TET3: variants seen among roughly 807,000 people sequenced by gnomAD.
The protein encoded by TET3 is methylcytosine dioxygenase TET3.
TET3 carries 19 observed loss-of-function variants against 141.4 expected under a neutral mutation model. The observed-to-expected ratio is 0.13, with a 90% CI of 0.09 to 0.20. The LOEUF (loss-of-function observed/expected upper bound fraction) is 0.20. TET3 is among the 10% of genes least tolerant of loss of function. The pLI is 1.00. For synonymous variants in TET3, 1,043 were observed against 980.9 expected (o/e 1.06, Z -1.18); for missense variants, 1,874 against 2,356.9 (o/e 0.80, Z 4.24).
intron 4 of TET3, among the ~76,000 whole-genome samples, chr2:74,063,751 C>T (rs1688726683): frequency 6.6e-6 from 1 of 151,946 alleles, no homozygotes; most frequent in Non-Finnish European, 1.5e-5. Context: ...CCATATTGTG[C>T]AGTTAAAAGT....
Position 74,099,367 on chromosome 2 carries a change from A to G in TET3, c.3359A>G (p.Asn1120Ser), listed in dbSNP as rs769813809. Residue 1120 changes from asparagine (N) to serine (S), a missense_variant, in exon 11 of 12, where the codon AAC becomes AGC. By Grantham distance (46) the Asn-to-Ser change is conservative. This residue lies in a region of TET3 where 53 missense variants were observed against 112.8 expected (regional missense o/e 0.47). Coordinates refer to ENST00000409262, the MANE Select transcript of TET3 (RefSeq NM_001287491.2). ...GTTCTCCCCCTGTACAAGATGGCCA[A>G]CACGGATGAGTTTGGTAGCGAGGAG... ...LHVLPLYKMANTDEFGSEENQ... is the reference protein window; with the variant it reads ...LHVLPLYKMASTDEFGSEENQ... 1 of 1,613,938 alleles carries G rather than the reference A, an allele frequency of 6.2e-7. No homozygotes were observed. Among genetic ancestry groups the G allele is most frequent in the South Asian group, 1.1e-5 (1 of 91,070 alleles).
upstream of TET3, among the ~76,000 whole-genome samples, chr2:73,984,346 C>G (rs1010249680): frequency 6.6e-6 from 1 of 152,248 alleles, no homozygotes; most frequent in African/African-American, 2.4e-5. The surrounding 1 kb of genome is among the most constrained non-coding windows in gnomAD (Gnocchi z 5.6). Context: ...CCCTTAGCCT[C>G]TGCCCCCGAG....
chr2:74,014,357 C>G (rs1273226563), intron 3 of TET3, among the ~76,000 whole-genome samples: 6 of 152,068 alleles, frequency 3.9e-5, no homozygotes, highest in African/African-American at 1.2e-4. Context: ...ATGATATACC[C>G]AGCATGAGAA....
At chr2:74,063,189 CT>C (rs11295242) in intron 4 of TET3, among the ~76,000 whole-genome samples, 58,453 of 146,630 alleles carry the variant, frequency 0.4, 14,175 homozygotes, top group African/African-American at 0.7. Context: ...TGGCCTGAAA[CT>C]TTTTTTTTTT....
chr2:74,042,331 C>T (rs1055189312), intron 3 of TET3, among the ~76,000 whole-genome samples: 1 of 152,146 alleles, frequency 6.6e-6, no homozygotes, highest in Non-Finnish European at 1.5e-5. Flanking sequence ...CTGACCCCAG[C>T]CTTGGTTTCA....
intron 4 of TET3, among the ~76,000 whole-genome samples, chr2:74,063,905 A>AAAT (rs1553428411): frequency 2.0e-5 from 3 of 151,950 alleles, no homozygotes; most frequent in Admixed American, 1.3e-4. Context: ...AAAAAAAAAA[A>AAAT]AAAATAAGTA....
chr2:74,009,855 C>G (rs528873890), intron 3 of TET3, among the ~76,000 whole-genome samples: 1 of 152,356 alleles, frequency 6.6e-6, no homozygotes, highest in East Asian at 1.9e-4. Flanking sequence ...CCATGGGCTC[C>G]TGCTGCACAG....
intron 4 of TET3, among the ~76,000 whole-genome samples, chr2:74,071,285 A>G (rs563369988): frequency 1.3e-5 from 2 of 152,268 alleles, no homozygotes; most frequent in South Asian, 4.2e-4. Flanking sequence ...TTAGGCTTCA[A>G]CATACAAATT....
At chr2:74,048,662 A>T (rs140361386) in intron 4 of TET3, among the ~76,000 whole-genome samples, 1 of 152,228 alleles carries the variant, frequency 6.6e-6, no homozygotes, top group African/African-American at 2.4e-5. Context: ...AGTTGAAGGC[A>T]TAATAGAGGC....
intron 4 of TET3, among the ~76,000 whole-genome samples, chr2:74,058,865 GAAAA>G (rs200470897): frequency 6.6e-6 from 1 of 150,746 alleles, no homozygotes; most frequent in Non-Finnish European, 1.5e-5. Flanking sequence ...TTAAATGGTT[GAAAA>G]AAAAAGTCAG....
At chr2:73,983,957 T>C (rs1683872962), upstream of TET3, among the ~76,000 whole-genome samples, 2 of 152,250 alleles carry the variant, frequency 1.3e-5, no homozygotes, top group African/African-American at 4.8e-5. Context: ...AATTTCAACT[T>C]GGCCTGCACA....
At chr2:74,083,239 G>A (rs1418054170) in intron 6 of TET3, among the ~76,000 whole-genome samples, 2 of 152,230 alleles carry the variant, frequency 1.3e-5, no homozygotes, top group Non-Finnish European at 2.9e-5. Flanking sequence ...TGCCCTGGTT[G>A]CACTCTGAAG....
the TET3 span, among the ~76,000 whole-genome samples, chr2:74,114,085 G>A: frequency 7.9e-5 from 12 of 152,232 alleles, no homozygotes; most frequent in African/African-American, 2.6e-4. Context: ...AAAACAGCAT[G>A]GTACTGGCAT....
At chr2:74,020,758 G>A (rs1685993777) in intron 3 of TET3, among the ~76,000 whole-genome samples, 2 of 152,194 alleles carry the variant, frequency 1.3e-5, no homozygotes, top group African/African-American at 4.8e-5. Flanking sequence ...GTTAAGCAGG[G>A]GTCAGGATTT....
intron 5 of TET3, among the ~76,000 whole-genome samples, chr2:74,078,857 C>T (rs1558774140): frequency 1.3e-5 from 2 of 152,142 alleles, no homozygotes; most frequent in South Asian, 4.1e-4. Context: ...TCATCTGTCT[C>T]CTTATGTGTT....
chr2:74,037,146 G>A (rs1687108713), intron 3 of TET3, among the ~76,000 whole-genome samples: 1 of 152,202 alleles, frequency 6.6e-6, no homozygotes, highest in South Asian at 2.1e-4. Flanking sequence ...TAGCCAGTGT[G>A]CCCATGGGCA....
chr2:73,994,638 C>CTTTTTTTTTTTTT (rs572235939), intron 2 of TET3, among the ~76,000 whole-genome samples: 13 of 96,716 alleles, frequency 1.3e-4, no homozygotes, highest in Non-Finnish European at 2.3e-4. Context: ...TTCTTTCTTT[C>CTTTTTTTTTTTTT]TTTTTTTTTT....
intron 4 of TET3, among the ~76,000 whole-genome samples, chr2:74,068,344 C>T (rs1689021715): frequency 1.3e-5 from 2 of 151,810 alleles, no homozygotes; most frequent in South Asian, 2.1e-4. Flanking sequence ...TGTACACGAA[C>T]TAGCATCTTA....
rs764120083 is a variant in TET3 at position 74,101,579 on chromosome 2, G to A, written c.4791G>A (p.Lys1597=). The A allele has an allele frequency of 4.3e-6, 7 of 1,609,426 alleles. No individual in the cohort carries two copies. In the Admixed American group the frequency reaches 5.1e-5, roughly 12 times the overall value. The change falls in exon 12 of 12, where the codon AAG becomes AAA. Residue 1597 remains lysine (K), a synonymous_variant. Coordinates refer to ENST00000409262, the MANE Select transcript of TET3 (RefSeq NM_001287491.2). This position sits in a 1 kb window ranked among gnomAD's most constrained non-coding sequence, Gnocchi z 8.5. The part of the protein sequence containing the change: ...GSSEKLFGAL[K]SEEKLWDPFS... ...GCGAGAAGCTGTTTGGGGCTCTGAA[G>A]TCAGAGGAGAAGCTGTGGGACCCCT...
Sources: allele counts gnomAD v4.1 joint callset (sites outside exome capture counted in the v4.1 genomes callset), GRCh38; gene constraint gnomAD v4.1.1; regional missense constraint gnomAD v4.1.1; non-coding constraint Gnocchi (gnomAD v3.1); transcripts MANE v1.5; gene names NCBI Gene and HGNC (gene_info 2026-07-23, HGNC 2026-07-21).